The following TMC4 variants were observed in gnomAD, a reference collection of about 807,000 sequenced individuals.
TMC4 encodes voltage-gated chloride channel TMC4.
TMC4 carries 70 observed loss-of-function variants against 82.0 expected under a neutral mutation model. The ratio of observed to expected loss-of-function variants is 0.85; its 90% CI spans 0.70 to 1.04. The LOEUF is 1.04. Among genes scored for constraint, TMC4 ranks in the 50% least tolerant of loss-of-function variants. TMC4 has a pLI of 0.00. For missense variants in TMC4, 879 were observed against 899.0 expected (o/e 0.98, Z 0.28); for synonymous variants, 446 against 406.0 (o/e 1.10, Z -1.18).
chr19:54,163,630 T>A, intron 8 of TMC4, 94 bp downstream of exon 8: 2 of 1,424,190 alleles, frequency 1.4e-6, no homozygotes, highest in Non-Finnish European at 2.0e-6. Context: ...GGATTCGGTA[T>A]CAGCAGGATT....
Position 54,160,233 on chromosome 19 carries a change from C to T in TMC4, c.*73G>A, listed in dbSNP as rs2075503062. On this transcript the variant is annotated 3_prime_UTR_variant, in exon 15 of 15. Transcript: ENST00000619895. Reference sequence around the variant, plus strand: ...AGGGCGTGGAGTCTTCTCCAGTTCTCCTAGTTTACAGATGTTGTGACCTAG... The same window carrying T: ...AGGGCGTGGAGTCTTCTCCAGTTCTTCTAGTTTACAGATGTTGTGACCTAG... The T allele has an allele frequency of 1.4e-6, 2 of 1,446,548 alleles. No individual in the cohort carries two copies. Among genetic ancestry groups the T allele is most frequent in the African/African-American group, 1.4e-5 (1 of 70,316 alleles). The allele number at this position is 1,446,548 out of a possible 1,614,324, so 89.6% of individuals were successfully genotyped here. A position where few individuals can be genotyped will look rare whatever the true frequency, so the allele number is the denominator to read the frequency against.
chr19:54,163,194 C>G (rs1242273985), intron 8 of TMC4, 35 bp from the exon 9 acceptor site: 2 of 1,611,930 alleles, frequency 1.2e-6, no homozygotes, highest in Admixed American at 3.3e-5. Flanking sequence ...GGCCCTGACC[C>G]GGTACCCACC....
Position 54,160,286 on chromosome 19 carries a change from C to T in TMC4, c.*20G>A, listed in dbSNP as rs984429303. The T allele has an allele frequency of 3.3e-6, 5 of 1,512,072 alleles. No individual in the cohort carries two copies. Among genetic ancestry groups the T allele is most frequent in the African/African-American group, 2.8e-5 (2 of 71,624 alleles). 93.7% of individuals were successfully genotyped at this position (1,512,072 alleles called of 1,614,324 possible). A position where few individuals can be genotyped will look rare whatever the true frequency, so the allele number is the denominator to read the frequency against. ...TTACAATGGGCCTGGGGTCTGAAAG[C>T]GGGACGTGGGCTGCGGGGGTCAAAG... On this transcript the variant is annotated 3_prime_UTR_variant, in exon 15 of 15. Coordinates refer to ENST00000619895, the MANE Select transcript of TMC4 (RefSeq NM_144686.4).
chr19:54,160,247 G>A lies in TMC4; in HGVS notation c.*59C>T, dbSNP rs868929429. On this transcript the variant is annotated 3_prime_UTR_variant, in exon 15 of 15. Coordinates refer to ENST00000619895, the MANE Select transcript of TMC4 (RefSeq NM_144686.4). The stretch of plus-strand genomic sequence containing the variant: ...TCTCCAGTTCTCCTAGTTTACAGAT[G>A]TTGTGACCTAGGCTTACAATGGGCC... 72 of 1,474,342 alleles carry A rather than the reference G, an allele frequency of 4.9e-5. No individual in the cohort carries two copies. The highest frequency in any genetic ancestry group is 3.0e-4 in the South Asian group (21 of 68,904). 91.3% of individuals were successfully genotyped at this position (1,474,342 alleles called of 1,614,324 possible). A position where few individuals can be genotyped will look rare whatever the true frequency, so the allele number is the denominator to read the frequency against.
rs1016185463 is a variant in TMC4, at chr19:54,169,610, G to C, written c.344C>G (p.Thr115Arg). The C allele has an allele frequency of 1.9e-6, 3 of 1,613,908 alleles. No homozygotes were observed. The highest frequency in any genetic ancestry group is 2.2e-5 in the South Asian group (2 of 91,076). Residue 115 changes from threonine (T) to arginine (R), a missense_variant, in exon 3 of 15, where the codon ACG becomes AGG. By Grantham distance (71) the Thr-to-Arg change is moderately conservative. Coordinates refer to ENST00000619895, the MANE Select transcript of TMC4 (RefSeq NM_144686.4). ...DQVVYGSGTK[T>R]DRWARLLRRS... Reference sequence around the variant, plus strand: ...CCGAAGTAGCCGCGCCCATCGGTCCGTCTTAGTTCCAGAGCCATAGACCAC... The same window carrying C: ...CCGAAGTAGCCGCGCCCATCGGTCCCTCTTAGTTCCAGAGCCATAGACCAC...
chr19:54,163,978 T>TTC (rs1491280039), intron 7 of TMC4, 91 bp from the exon 8 acceptor site: 260 of 388,306 alleles, frequency 6.7e-4, no homozygotes, highest in African/African-American at 2.2e-3. Context: ...CTTCTTCTTC[T>TTC]TTTTTTTTTT....
chr19:54,172,912 C>T (rs1279408340), intron 1 of TMC4, 127 bp downstream of exon 1: 1 of 790,578 alleles, frequency 1.3e-6, no homozygotes, highest in Non-Finnish European at 2.1e-6. Context: ...CCCATAATAT[C>T]AGGAAGTGGA....
At chr19:54,171,170 A>G (rs947474603) in intron 2 of TMC4, among the ~76,000 whole-genome samples, 13 of 151,840 alleles carry the variant, frequency 8.6e-5, no homozygotes, top group Non-Finnish European at 1.2e-4. Context: ...GTCCAATGGC[A>G]CGATCTTGGC....
chr19:54,165,832 G>A (rs985998789), intron 5 of TMC4, among the ~76,000 whole-genome samples: 7 of 152,124 alleles, frequency 4.6e-5, no homozygotes, highest in Non-Finnish European at 8.8e-5. Context: ...ACAGAGCCTC[G>A]GAGCGAAGGG....
chr19:54,163,230 A>G (rs2075612217), intron 8 of TMC4, 71 bp from the exon 9 acceptor site: 4 of 1,581,424 alleles, frequency 2.5e-6, no homozygotes, highest in Non-Finnish European at 2.6e-6. Context: ...TCTCAGTGGA[A>G]CGCGCCCGCA....
rs746666219 is a variant in TMC4 at position 54,162,215 on chromosome 19, C to T, written c.1573G>A (p.Glu525Lys). ...AGTQEFQVPD[E>K]VLGLIYAQTV... is the part of the protein sequence containing the mutation. ...TGCGCGTAGATGAGCCCCAGCACCT[C>T]GTCGGGCACCTGGAACTCTTGGGTC... The change falls in exon 11 of 15, where the codon GAG becomes AAG. Residue 525 changes from glutamate (E) to lysine (K), a missense_variant. Physicochemically the swap from Glu to Lys is moderately conservative, Grantham distance 56 (BLOSUM62 1). Transcript: ENST00000619895. 7 of 1,613,052 alleles carry T rather than the reference C, an allele frequency of 4.3e-6. No individual in the cohort carries two copies. In the Admixed American group the frequency reaches 1.0e-4, roughly 23 times the overall value.
At chr19:54,169,158 C>T (rs566166055) in intron 3 of TMC4, among the ~76,000 whole-genome samples, 2 of 149,008 alleles carry the variant, frequency 1.3e-5, no homozygotes, top group Non-Finnish European at 3.0e-5. Flanking sequence ...CTCAGCCTCA[C>T]GAGTAGCTGG....
intron 9 of TMC4, 31 bp downstream of exon 9, chr19:54,163,002 A>G: frequency 6.2e-6 from 10 of 1,614,068 alleles, no homozygotes; most frequent in Non-Finnish European, 8.5e-6. Context: ...CAGGGACCCA[A>G]GAGTCCCACG....
chr19:54,168,451 A>G lies in TMC4; in HGVS notation c.672T>C (p.Gly224=). The change falls in exon 4 of 15, where the codon GGT becomes GGC. Residue 224 remains glycine (G), a synonymous_variant. Transcript: ENST00000619895. The part of the protein sequence containing the change: ...FATQLFNLLS[G]EGYLEWSPLF... Reference sequence around the variant, plus strand: ...CCCCAGGGACCCAGGCACCTACCTCACCCGAGAGCAAGTTGAAGAGCTGGG... The same window carrying G: ...CCCCAGGGACCCAGGCACCTACCTCGCCCGAGAGCAAGTTGAAGAGCTGGG... 4 of 1,542,630 alleles carry G rather than the reference A, an allele frequency of 2.6e-6. No individual in the cohort carries two copies. Among genetic ancestry groups the G allele is most frequent in the East Asian group, 2.5e-5 (1 of 40,786 alleles).
intron 11 of TMC4, among the ~76,000 whole-genome samples, chr19:54,161,632 T>G (rs1251517803): frequency 6.6e-6 from 1 of 152,066 alleles, no homozygotes; most frequent in Non-Finnish European, 1.5e-5. Flanking sequence ...TTCACCTCCC[T>G]GGTTCAAGCA....
rs762379449 is a variant in TMC4, at chr19:54,164,660, T to C, written c.946-59A>G. On this transcript the variant is annotated intron_variant, in intron 6 of 14. Transcript: ENST00000619895. The stretch of plus-strand genomic sequence containing the variant: ...TTTCCCAAGGCGCGGGCCTCCCGGT[T>C]CCCCAGGTCTGGCTCTCCAGAGATC... 3.8e-6 allele frequency: 6 copies of C among 1,599,416 alleles called. No individual in the cohort carries two copies. The Admixed American group carries it at 5.0e-5, about 13-fold the overall frequency.
chr19:54,160,538 T>G lies in TMC4; in HGVS notation c.1981A>C (p.Met661Leu). Residue 661 changes from methionine to leucine, a missense_variant, in exon 14 of 15, where the codon ATG becomes CTG. Coordinates refer to ENST00000619895, the MANE Select transcript of TMC4 (RefSeq NM_144686.4). ...TTAGCCAGAGCCACAGTGTACGCCA[T>G]CAGGATGCTGAAGGAGACAGGAACG... ...VPLLLISSIL[M>L]AYTVALANSY... is the part of the protein sequence containing the mutation. 1 of 1,614,012 alleles carries G rather than the reference T, an allele frequency of 6.2e-7. No individual in the cohort carries two copies. Among genetic ancestry groups the G allele is most frequent in the Non-Finnish European group, 8.5e-7 (1 of 1,179,976 alleles).
At chr19:54,167,859 A>C (rs1165606788) in intron 5 of TMC4, among the ~76,000 whole-genome samples, 2 of 151,606 alleles carry the variant, frequency 1.3e-5, no homozygotes, top group East Asian at 4.0e-4. Context: ...TCAGCAGTTC[A>C]AGACCAGCCT....
At position 54,165,522 on chromosome 19, in the gene TMC4, G is replaced by T; in HGVS notation, c.842C>A (p.Ala281Asp). 1 of 1,611,966 alleles carries T rather than the reference G, an allele frequency of 6.2e-7. No homozygotes were observed. Among genetic ancestry groups the T allele is most frequent in the Non-Finnish European group, 8.5e-7 (1 of 1,178,884 alleles). Residue 281 changes from alanine to aspartate, a missense_variant, in exon 6 of 15, where the codon GCT becomes GAT. Physicochemically the swap from Ala to Asp is moderately radical, Grantham distance 126. Coordinates refer to ENST00000619895, the MANE Select transcript of TMC4 (RefSeq NM_144686.4). ...LKQTLLAESE[A>D]LTSYSHRVFS... ...CACCCGGTGGCTGTAGCTGGTCAGA[G>T]CCTCGGACTCCGCCAGCAGTGTCTG...
Sources: allele counts gnomAD v4.1 joint callset (sites outside exome capture counted in the v4.1 genomes callset), GRCh38; gene constraint gnomAD v4.1.1; transcripts MANE v1.5; gene names NCBI Gene and HGNC (gene_info 2026-07-23, HGNC 2026-07-21).